Variants in MYO1B observed in about 807,000 individuals in gnomAD.
MYO1B encodes myosin IB.
In MYO1B, 72 loss-of-function variants were observed where a neutral mutation model predicts 159.7. The ratio of observed to expected loss-of-function variants is 0.45; its 90% CI spans 0.37 to 0.55. MYO1B has a LOEUF of 0.55. Ranked by LOEUF, MYO1B falls within the 20% of genes least tolerant of loss-of-function variation. The pLI is 0.00. For synonymous variants in MYO1B, 468 were observed against 473.8 expected (o/e 0.99, Z 0.16); for missense variants, 1,062 against 1,364.8 (o/e 0.78, Z 3.50).
At position 191,286,696 on chromosome 2, in the gene MYO1B, T is replaced by G. The variant is rs1445624067; in HGVS notation, c.136-9415T>G. On this transcript the variant is annotated intron_variant, in intron 2 of 30. Transcript: ENST00000392318. ...GCCTATAATCCCAGCACTTTGGGAGTCTGAGGCGGGCCGATTGCTTTAGTC... is the reference window on the plus strand; with the variant it reads ...GCCTATAATCCCAGCACTTTGGGAGGCTGAGGCGGGCCGATTGCTTTAGTC... 3.3e-5 allele frequency among the ~76,000 whole-genome samples: 5 copies of G among 152,018 alleles called. No homozygotes were observed. In the South Asian group the frequency reaches 1.0e-3, roughly 32 times the overall value.
intron 1 of MYO1B, among the ~76,000 whole-genome samples, chr2:191,249,699 G>A (rs1685998195): frequency 1.3e-5 from 2 of 152,158 alleles, no homozygotes; most frequent in African/African-American, 4.8e-5. Flanking sequence ...TGTTGTTGTT[G>A]TTGTTTCTAA....
intron 28 of MYO1B, 72 bp from the exon 29 acceptor site, chr2:191,414,445 T>C (rs1697438740): frequency 4.3e-6 from 6 of 1,387,510 alleles, no homozygotes; most frequent in Non-Finnish European, 3.9e-6. Flanking sequence ...TTGCAAATAA[T>C]GCCTTAAACT....
chr2:191,415,599 GTTTTGTTTTT>G (rs1477081165), intron 29 of MYO1B, among the ~76,000 whole-genome samples: 1 of 147,522 alleles, frequency 6.8e-6, no homozygotes, highest in Non-Finnish European at 1.5e-5. Context: ...TTTTTGTTTT[GTTTTGTTTTT>G]TTTTTGAATA....
intron 1 of MYO1B, among the ~76,000 whole-genome samples, chr2:191,259,358 G>A (rs751245479): frequency 1.4e-4 from 22 of 152,194 alleles, no homozygotes; most frequent in Non-Finnish European, 2.4e-4. Flanking sequence ...AGTTTAAAAA[G>A]ATGTTTGTGG....
intron 13 of MYO1B, among the ~76,000 whole-genome samples, chr2:191,373,560 G>C (rs1407747223): frequency 1.3e-5 from 2 of 152,196 alleles, no homozygotes; most frequent in Non-Finnish European, 2.9e-5. Flanking sequence ...TGGATCACGA[G>C]GTCAGGAGAT....
At chr2:191,304,600 C>CT (rs1689534661) in intron 3 of MYO1B, among the ~76,000 whole-genome samples, 1 of 141,860 alleles carries the variant, frequency 7.0e-6, no homozygotes, top group Non-Finnish European at 1.6e-5. Context: ...AACAACAACC[C>CT]AGTTTCTTTC....
At chr2:191,256,917 T>A (rs566780586) in intron 1 of MYO1B, among the ~76,000 whole-genome samples, 2 of 151,012 alleles carry the variant, frequency 1.3e-5, no homozygotes, top group East Asian at 3.9e-4. Flanking sequence ...AAGATGGGGC[T>A]ATTCCTTGTG....
chr2:191,352,040 G>A (rs55635556), intron 7 of MYO1B, among the ~76,000 whole-genome samples: 9,893 of 152,140 alleles, frequency 0.065, 434 homozygotes, highest in Middle Eastern at 0.099. Flanking sequence ...AAGTTGAATG[G>A]GATAGTGCTA....
chr2:191,300,498 G>A (rs4853580), intron 3 of MYO1B, among the ~76,000 whole-genome samples: 7 of 151,512 alleles, frequency 4.6e-5, no homozygotes, highest in Non-Finnish European at 7.4e-5. Context: ...TGCCCGCCAC[G>A]ACGTCTGGCT....
intron 1 of MYO1B, among the ~76,000 whole-genome samples, chr2:191,265,527 T>A (rs1320740318): frequency 6.6e-6 from 1 of 152,200 alleles, no homozygotes; most frequent in Non-Finnish European, 1.5e-5. Context: ...TTTCCTCTGG[T>A]GGCTATATTC....
chr2:191,359,767 C>A (rs1296779108), intron 7 of MYO1B, among the ~76,000 whole-genome samples: 1 of 152,128 alleles, frequency 6.6e-6, no homozygotes, highest in Non-Finnish European at 1.5e-5. Flanking sequence ...AATTAGTGCT[C>A]AATAATGACA....
Position 191,296,113 on chromosome 2 carries a change from A to T in MYO1B, c.138A>T (p.Thr46=), listed in dbSNP as rs4853574. The stretch of plus-strand genomic sequence containing the variant: ...ATGTTTTGTTCTTTCTTTTGCAGAC[A>T]TACATTGGAAGTGTGGTTATATCTG... The part of the protein sequence containing the change: ...KKRFDHSEIY[T]YIGSVVISVN... The change falls in exon 3 of 31, where the codon ACA becomes ACT. Residue 46 remains threonine, a splice_region_variant and synonymous_variant. Coordinates refer to ENST00000392318, the MANE Select transcript of MYO1B (RefSeq NM_001130158.3). The T allele has an allele frequency of 0.57, 878,621 of 1,553,554 alleles. 252,102 individuals are homozygous for T. The highest frequency in any genetic ancestry group is 0.64 in the East Asian group (27,965 of 43,794).
intron 30 of MYO1B, among the ~76,000 whole-genome samples, chr2:191,417,063 C>A (rs527267201): frequency 6.6e-6 from 1 of 152,300 alleles, no homozygotes; most frequent in East Asian, 1.9e-4. Flanking sequence ...TTATATACTT[C>A]TTTGCATGTC....
intron 3 of MYO1B, among the ~76,000 whole-genome samples, chr2:191,318,490 A>AC (rs893982287): frequency 2.6e-5 from 4 of 152,072 alleles, no homozygotes; most frequent in Non-Finnish European, 4.4e-5. Context: ...GCTCCCAAGG[A>AC]CCTGATGCCT....
At chr2:191,298,114 T>C (rs575872970) in intron 3 of MYO1B, among the ~76,000 whole-genome samples, 5 of 152,362 alleles carry the variant, frequency 3.3e-5, no homozygotes, top group South Asian at 2.1e-4. Flanking sequence ...TCCAGATGCT[T>C]GTTTTAGTTT....
chr2:191,319,261 A>G (rs1574417899), intron 3 of MYO1B, among the ~76,000 whole-genome samples: 1 of 152,258 alleles, frequency 6.6e-6, no homozygotes, highest in South Asian at 2.1e-4. Context: ...TAGAGTGGCA[A>G]CCAGGACAGG....
chr2:191,344,361 G>T (rs1032599439), intron 5 of MYO1B, among the ~76,000 whole-genome samples: 1 of 152,162 alleles, frequency 6.6e-6, no homozygotes, highest in African/African-American at 2.4e-5. Flanking sequence ...ATTTTTAGGT[G>T]CAAATTTCTT....
At chr2:191,248,355 G>A (rs1388117221) in intron 1 of MYO1B, among the ~76,000 whole-genome samples, 1 of 152,170 alleles carries the variant, frequency 6.6e-6, no homozygotes, top group African/African-American at 2.4e-5. Flanking sequence ...GTTATGTCCT[G>A]ATAAACCCAT....
chr2:191,380,096 CAT>C (rs1342004915), intron 13 of MYO1B, among the ~76,000 whole-genome samples: 3 of 152,206 alleles, frequency 2.0e-5, no homozygotes, highest in East Asian at 3.8e-4. Flanking sequence ...AATATATTCA[CAT>C]GTGTTATTTA....
Sources: gnomAD v4.1 joint callset for allele counts (sites outside exome capture counted in the v4.1 genomes callset) on GRCh38, gnomAD v4.1.1 for gene constraint, MANE v1.5 for transcripts, NCBI Gene and HGNC (gene_info 2026-07-23, HGNC 2026-07-21) for gene names.